The following PALLD variants were observed in gnomAD, a reference collection of about 807,000 sequenced individuals.
The protein encoded by PALLD is palladin, cytoskeletal associated protein, also known as palladin.
In PALLD, 61 loss-of-function variants were observed where a neutral mutation model predicts 123.5. The observed-to-expected ratio is 0.49, with a 90% confidence interval of 0.40 to 0.61. The LOEUF is 0.61. Ranked by LOEUF, PALLD falls within the 20% of genes least tolerant of loss-of-function variation. PALLD has a pLI of 0.00. For missense variants in PALLD, 1,273 were observed against 1,377.0 expected, an observed-to-expected ratio of 0.92 and a Z score of 1.20; for synonymous variants, 465 against 496.4, an observed-to-expected ratio of 0.94 and a Z score of 0.84.
intron 3 of PALLD, among the ~76,000 whole-genome samples, chr4:168,670,392 A>G (rs528338248): frequency 1.5e-4 from 23 of 152,346 alleles, no homozygotes; most frequent in African/African-American, 5.5e-4. Flanking sequence ...AATTCCTGAT[A>G]TCAAGGAGTT....
In PALLD at chr4:168,543,178, G is replaced by A. The variant is rs186841668; in HGVS notation, c.908+30766G>A. 9.2e-5 allele frequency among the ~76,000 whole-genome samples: 14 copies of A among 152,182 alleles called. No individual in the cohort carries two copies. In the East Asian group the frequency reaches 9.7e-4, roughly 10 times the overall value. On this transcript the variant is annotated intron_variant, in intron 2 of 21. Transcript: ENST00000505667. ...TTGCAAGCTGTGTGACACTGAGAAC[G>A]TCACTTGCCTTGTCTGACCCTCATC...
chr4:168,652,911 G>T (rs996963637), intron 2 of PALLD, among the ~76,000 whole-genome samples: 1 of 152,134 alleles, frequency 6.6e-6, no homozygotes, highest in African/African-American at 2.4e-5. Flanking sequence ...TAATTAAGAG[G>T]ACTGTGCCAT....
intron 2 of PALLD, among the ~76,000 whole-genome samples, chr4:168,522,610 C>G (rs1561206101): frequency 6.6e-6 from 1 of 152,178 alleles, no homozygotes; most frequent in Non-Finnish European, 1.5e-5. Context: ...TCAAGGACTC[C>G]ATTTAGACAT....
At chr4:168,694,643 T>C (rs1033610472) in intron 8 of PALLD, among the ~76,000 whole-genome samples, 1 of 152,194 alleles carries the variant, frequency 6.6e-6, no homozygotes, top group Non-Finnish European at 1.5e-5. Flanking sequence ...TATAGCCCCA[T>C]TAGGAATTAG....
At chr4:168,820,068 A>G (rs555658427) in intron 10 of PALLD, among the ~76,000 whole-genome samples, 2 of 152,240 alleles carry the variant, frequency 1.3e-5, no homozygotes, top group Non-Finnish European at 2.9e-5. Context: ...TCTTACTTCG[A>G]AAGACTTAAG....
At chr4:168,681,980 GAGA>G (rs1174906142) in intron 4 of PALLD, among the ~76,000 whole-genome samples, 1 of 152,174 alleles carries the variant, frequency 6.6e-6, no homozygotes, top group African/African-American at 2.4e-5. Context: ...TGTATGGAAA[GAGA>G]AGTCACATTA....
chr4:168,513,798 T>G (rs1033627982), intron 2 of PALLD, among the ~76,000 whole-genome samples: 2 of 152,174 alleles, frequency 1.3e-5, no homozygotes, highest in African/African-American at 4.8e-5. Flanking sequence ...CTAAATTACA[T>G]AAATATTTAA....
chr4:168,596,195 TC>T (rs1284217471), intron 2 of PALLD, among the ~76,000 whole-genome samples: 1 of 152,098 alleles, frequency 6.6e-6, no homozygotes, highest in Non-Finnish European at 1.5e-5. Flanking sequence ...TGAGACACAC[TC>T]CTACCTGCAA....
chr4:168,592,246 G>A (rs1056805059), intron 2 of PALLD, among the ~76,000 whole-genome samples: 6 of 151,816 alleles, frequency 4.0e-5, no homozygotes, highest in South Asian at 4.2e-4. Flanking sequence ...GGCTCGTGTC[G>A]AACTCCAGAC....
chr4:168,549,786 A>T (rs1580261605), intron 2 of PALLD, among the ~76,000 whole-genome samples: 1 of 152,260 alleles, frequency 6.6e-6, no homozygotes, highest in African/African-American at 2.4e-5. Flanking sequence ...CACAAAAAAA[A>T]AATGAGAGTT....
At chr4:168,900,007 G>A (rs1371058253) in intron 14 of PALLD, among the ~76,000 whole-genome samples, 5 of 152,122 alleles carry the variant, frequency 3.3e-5, no homozygotes, top group African/African-American at 1.2e-4. Context: ...TTCTCCTGGT[G>A]CGGCCTCAGG....
chr4:168,660,826 CTT>C (rs1779058258), intron 2 of PALLD, among the ~76,000 whole-genome samples: 1 of 152,032 alleles, frequency 6.6e-6, no homozygotes, highest in Admixed American at 6.6e-5. Flanking sequence ...TCCAAAGAAA[CTT>C]AATCTGTAAG....
chr4:168,501,856 A>T (rs2149394913), intron 1 of PALLD, among the ~76,000 whole-genome samples: 1 of 152,328 alleles, frequency 6.6e-6, no homozygotes, highest in South Asian at 2.1e-4. Context: ...GCGAATGTGC[A>T]CTTCATTTTA....
At chr4:168,842,919 A>T (rs1251245624) in intron 10 of PALLD, among the ~76,000 whole-genome samples, 6 of 152,204 alleles carry the variant, frequency 3.9e-5, no homozygotes, top group Non-Finnish European at 8.8e-5. Context: ...AATCAGTAAA[A>T]CTATATTAGA....
At chr4:168,501,757 C>T (rs956203852) in intron 1 of PALLD, among the ~76,000 whole-genome samples, 6 of 152,196 alleles carry the variant, frequency 3.9e-5, no homozygotes, top group Non-Finnish European at 8.8e-5. Context: ...TTGACCTGAG[C>T]ATGTTCTCCT....
At chr4:168,878,563 TCA>T (rs1752161138) in intron 10 of PALLD, among the ~76,000 whole-genome samples, 1 of 152,186 alleles carries the variant, frequency 6.6e-6, no homozygotes, top group South Asian at 2.1e-4. Context: ...GCAATTTGAC[TCA>T]GTGATTCTTG....
intron 2 of PALLD, among the ~76,000 whole-genome samples, chr4:168,528,844 T>C (rs1462781272): frequency 6.6e-6 from 1 of 152,196 alleles, no homozygotes; most frequent in African/African-American, 2.4e-5. Flanking sequence ...ACAGGGGAAC[T>C]CTTAGGCATT....
intron 2 of PALLD, among the ~76,000 whole-genome samples, chr4:168,629,780 G>A (rs1158792617): frequency 1.3e-5 from 2 of 152,146 alleles, no homozygotes; most frequent in East Asian, 1.9e-4. Flanking sequence ...AGAAACTAAT[G>A]GCAGAGTTTT....
At chr4:168,907,104 C>T (rs1037528619) in intron 15 of PALLD, among the ~76,000 whole-genome samples, 4 of 151,778 alleles carry the variant, frequency 2.6e-5, no homozygotes, top group African/African-American at 7.3e-5. Flanking sequence ...CTGTTTCCTC[C>T]CTCGTAAAAT....
Sources: gnomAD v4.1 joint callset for allele counts (sites outside exome capture counted in the v4.1 genomes callset) on GRCh38, gnomAD v4.1.1 for gene constraint, MANE v1.5 for transcripts, NCBI Gene and HGNC (gene_info 2026-07-23, HGNC 2026-07-21) for gene names.